The following FAM107B variants were observed in gnomAD, a reference collection of about 807,000 sequenced individuals.
FAM107B encodes family with sequence similarity 107 member B, also known as protein FAM107B.
FAM107B carries 21 observed loss-of-function variants against 31.5 expected under a neutral mutation model. The observed-to-expected ratio is 0.67, with a 90% CI of 0.47 to 0.96. The LOEUF (loss-of-function observed/expected upper bound fraction) is 0.96, where lower values mean the gene tolerates loss of function less well. Among genes scored for constraint, FAM107B ranks in the 40% least tolerant of loss-of-function variants. FAM107B has a pLI of 0.00. For synonymous variants in FAM107B, 157 were observed against 141.5 expected (o/e 1.11, Z -0.78); for missense variants, 452 against 377.1 (o/e 1.20, Z -1.64).
intron 2 of FAM107B, among the ~76,000 whole-genome samples, chr10:14,615,998 A>G (rs1415076100): frequency 6.6e-6 from 1 of 152,250 alleles, no homozygotes; most frequent in African/African-American, 2.4e-5. Context: ...ATTGTATAAA[A>G]GAATCACAAA....
intron 2 of FAM107B, among the ~76,000 whole-genome samples, chr10:14,641,615 G>A (rs1853628641): frequency 6.6e-6 from 1 of 152,186 alleles, no homozygotes; most frequent in African/African-American, 2.4e-5. Context: ...GAGAAAAAGA[G>A]AGAGAGAGGA....
chr10:14,553,363 C>T (rs1442576254), intron 2 of FAM107B: 7 of 1,278,974 alleles, frequency 5.5e-6, no homozygotes, highest in Non-Finnish European at 6.1e-6. Context: ...TCTCTATCCA[C>T]AAAATTAGTT....
At chr10:14,760,824 C>T (rs1020810225) in intron 1 of FAM107B, among the ~76,000 whole-genome samples, 1 of 151,872 alleles carries the variant, frequency 6.6e-6, no homozygotes, top group African/African-American at 2.4e-5. Flanking sequence ...CCAGCCTGGT[C>T]AACATGGTGA....
At chr10:14,677,535 G>A (rs1052813714) in intron 1 of FAM107B, among the ~76,000 whole-genome samples, 3 of 152,142 alleles carry the variant, frequency 2.0e-5, no homozygotes, top group African/African-American at 7.2e-5. Flanking sequence ...GCAGGAGAAT[G>A]GCGCGAACCC....
At chr10:14,561,736 A>T (rs1850260474) in intron 2 of FAM107B, among the ~76,000 whole-genome samples, 1 of 152,240 alleles carries the variant, frequency 6.6e-6, no homozygotes, top group African/African-American at 2.4e-5. Flanking sequence ...TAAATAGTGG[A>T]TTCAACAATA....
At chr10:14,737,181 G>T (rs1166307165) in intron 1 of FAM107B, among the ~76,000 whole-genome samples, 1 of 152,140 alleles carries the variant, frequency 6.6e-6, no homozygotes, top group Non-Finnish European at 1.5e-5. Context: ...CTTACAGTGG[G>T]CTCTTTTGTT....
chr10:14,526,938 C>T (rs888783837), intron 3 of FAM107B, among the ~76,000 whole-genome samples: 7 of 151,632 alleles, frequency 4.6e-5, no homozygotes, highest in Non-Finnish European at 1.0e-4. Flanking sequence ...CCCGGGTTCA[C>T]GCTATTCTCC....
At chr10:14,641,975 T>C (rs1368348897) in intron 2 of FAM107B, among the ~76,000 whole-genome samples, 9 of 152,346 alleles carry the variant, frequency 5.9e-5, no homozygotes, top group Admixed American at 4.6e-4. Flanking sequence ...TGAGTGAAAT[T>C]TGAGGTACAA....
Position 14,774,332 on chromosome 10 carries a change from G to A in FAM107B, c.332C>T (p.Ser111Phe). Reference protein sequence around the residue: ...PAETPEDVPGSLDDGADCEAV... With the variant: ...PAETPEDVPGFLDDGADCEAV... ...TTCACAGTCCGCCCCATCATCCAGG[G>A]ACCCGGGCACATCTTCAGGCGTCTC... Residue 111 changes from serine (S) to phenylalanine (F), a missense_variant, in exon 1 of 5, where the codon TCC becomes TTC. Coordinates refer to ENST00000181796, the MANE Select transcript of FAM107B (RefSeq NM_031453.4). 1.2e-6 allele frequency: 2 copies of A among 1,614,216 alleles called. No individual in the cohort carries two copies. The highest frequency in any genetic ancestry group is 8.5e-7 in the Non-Finnish European group (1 of 1,180,036).
chr10:14,763,791 A>C (rs900189773), intron 1 of FAM107B, among the ~76,000 whole-genome samples: 2 of 152,208 alleles, frequency 1.3e-5, no homozygotes, highest in East Asian at 3.9e-4. Flanking sequence ...GTCAAAAAGG[A>C]AAACGATTTC....
intron 1 of FAM107B, among the ~76,000 whole-genome samples, chr10:14,701,954 C>T (rs1347821295): frequency 2.6e-5 from 4 of 152,190 alleles, no homozygotes; most frequent in African/African-American, 9.7e-5. Context: ...AAGCAGTCTT[C>T]GAAAACAAAC....
intron 1 of FAM107B, among the ~76,000 whole-genome samples, chr10:14,730,678 A>G (rs146054512): frequency 1.8e-4 from 28 of 152,362 alleles, no homozygotes; most frequent in African/African-American, 6.3e-4. Context: ...GGAATGGATT[A>G]TAGGTGAGAA....
At chr10:14,711,637 C>T (rs923619246) in intron 1 of FAM107B, among the ~76,000 whole-genome samples, 1 of 152,156 alleles carries the variant, frequency 6.6e-6, no homozygotes, top group Non-Finnish European at 1.5e-5. Flanking sequence ...AAATGTATCC[C>T]TGCTTTTTTT....
At chr10:14,753,531 T>C (rs781063941) in intron 1 of FAM107B, among the ~76,000 whole-genome samples, 1 of 152,238 alleles carries the variant, frequency 6.6e-6, no homozygotes, top group Non-Finnish European at 1.5e-5. Flanking sequence ...ACCAGTGTAA[T>C]TATCTGGTGC....
chr10:14,684,703 T>C (rs1483477562), intron 1 of FAM107B, among the ~76,000 whole-genome samples: 1 of 152,234 alleles, frequency 6.6e-6, no homozygotes, highest in Non-Finnish European at 1.5e-5. Context: ...ACACACTTTT[T>C]TATTCTATCT....
intron 1 of FAM107B, among the ~76,000 whole-genome samples, chr10:14,735,291 A>AT (rs35706686): frequency 0.21 from 30,678 of 149,076 alleles, 3,626 homozygotes; most frequent in Non-Finnish European, 0.27. Flanking sequence ...ATTTTTTGCA[A>AT]TTTTTTTTTT....
At chr10:14,556,537 G>T in intron 2 of FAM107B, 1 of 352,316 alleles carries the variant, frequency 2.8e-6, no homozygotes, top group Non-Finnish European at 4.0e-6. Flanking sequence ...GCAACGTTTA[G>T]ACTTGACTGA....
At chr10:14,696,885 AT>A (rs1312533075) in intron 1 of FAM107B, among the ~76,000 whole-genome samples, 4 of 152,026 alleles carry the variant, frequency 2.6e-5, no homozygotes, top group Admixed American at 6.6e-5. Flanking sequence ...AATTTCAGTG[AT>A]TTGCTCCTTT....
intron 1 of FAM107B, among the ~76,000 whole-genome samples, chr10:14,712,960 C>A (rs771965514): frequency 1.3e-5 from 2 of 152,154 alleles, no homozygotes; most frequent in African/African-American, 4.8e-5. Flanking sequence ...CCTGGACCCT[C>A]TTCCTACACT....
Sources: gnomAD v4.1 joint callset for allele counts (sites outside exome capture counted in the v4.1 genomes callset) on GRCh38, gnomAD v4.1.1 for gene constraint, MANE v1.5 for transcripts, NCBI Gene and HGNC (gene_info 2026-07-23, HGNC 2026-07-21) for gene names.